The following MRPL42 variants were observed in gnomAD, a reference collection of about 807,000 sequenced individuals.
MRPL42 encodes mitochondrial ribosomal protein L42, also known as large ribosomal subunit protein mL42.
In MRPL42, 17 loss-of-function variants were observed where a neutral mutation model predicts 17.9. That is an observed-to-expected ratio of 0.95 (90% confidence interval 0.65 to 1.42). MRPL42 has a LOEUF of 1.42. MRPL42 is among the 40% of genes most tolerant of loss of function. The pLI is 0.00. For missense variants in MRPL42, 177 were observed against 175.2 expected (o/e 1.01, Z -0.06); for synonymous variants, 59 against 54.4 (o/e 1.08, Z -0.37).
In MRPL42 at chr12:93,474,376, C is replaced by T. The variant is rs531541672; in HGVS notation, c.71-2578C>T. Among the ~76,000 whole-genome samples the T allele has an allele frequency of 1.4e-4, 21 of 149,784 alleles. No individual in the cohort carries two copies. The South Asian group carries it at 3.0e-3, about 21-fold the overall frequency. On this transcript the variant is annotated intron_variant, in intron 2 of 5. Coordinates refer to ENST00000549982, the MANE Select transcript of MRPL42 (RefSeq NM_014050.4). ...GCTGGTCTTGAACTGCTGGATCAAGCGATCCTGCTGCCTTGGCCTCGCAAA... is the reference window on the plus strand; with the variant it reads ...GCTGGTCTTGAACTGCTGGATCAAGTGATCCTGCTGCCTTGGCCTCGCAAA...
At chr12:93,487,901 A>G (rs963836532) in intron 5 of MRPL42, 3 of 357,450 alleles carry the variant, frequency 8.4e-6, no homozygotes, top group African/African-American at 6.4e-5. Flanking sequence ...TGCTCAAGTG[A>G]TCTTCGCACT....
chr12:93,474,844 A>T (rs1194120051), intron 2 of MRPL42, among the ~76,000 whole-genome samples: 1 of 134,060 alleles, frequency 7.5e-6, no homozygotes, highest in Non-Finnish European at 1.6e-5. Flanking sequence ...TAATCCCAGC[A>T]CTTTGGGAGG....
At chr12:93,475,712 C>T (rs534492407) in intron 2 of MRPL42, among the ~76,000 whole-genome samples, 1 of 152,020 alleles carries the variant, frequency 6.6e-6, no homozygotes, top group Non-Finnish European at 1.5e-5. Context: ...TAGCTGAGCA[C>T]GGTGGCTCAC....
intron 4 of MRPL42, among the ~76,000 whole-genome samples, chr12:93,483,528 A>G (rs1052644376): frequency 3.9e-5 from 6 of 152,202 alleles, no homozygotes; most frequent in African/African-American, 1.2e-4. Context: ...GTATTTAAAC[A>G]TAGAAAAGGC....
intron 2 of MRPL42, among the ~76,000 whole-genome samples, chr12:93,476,693 G>A (rs1268299724): frequency 6.6e-6 from 1 of 152,092 alleles, no homozygotes; most frequent in Non-Finnish European, 1.5e-5. Context: ...TTTCTGTGTG[G>A]CCCATCTTTG....
rs117657534 is a variant in MRPL42, at chr12:93,484,592, T to C, written c.220-2905T>C. On this transcript the variant is annotated intron_variant, in intron 4 of 5. Transcript: ENST00000549982. ...TACACTGTCCTTCATCACTGTACAT[T>C]GTTGACTAAAACATTGTTATTTCAG... Among the ~76,000 whole-genome samples the C allele has an allele frequency of 4.4e-3, 675 of 152,086 alleles. 1 individual carries two copies. Among genetic ancestry groups the C allele is most frequent in the Non-Finnish European group, 7.4e-3 (503 of 67,992 alleles).
intron 5 of MRPL42, among the ~76,000 whole-genome samples, chr12:93,489,494 C>G (rs1953370708): frequency 6.6e-6 from 1 of 151,168 alleles, no homozygotes; most frequent in South Asian, 2.1e-4. Flanking sequence ...TCCTGCTTCT[C>G]TTTTGTATCT....
rs1953645146 is a variant in MRPL42, at chr12:93,504,485, T to TGA, written c.*3264_*3265insGA. On this transcript the variant is annotated 3_prime_UTR_variant, in exon 6 of 6. Transcript: ENST00000549982. ...AACATCAGTATATAGAAATATTTTC[T>TGA]CTTTAGTTCTATTAAAATTTTAAAA... 6.6e-6 allele frequency: 1 copy of TGA among 152,414 alleles called. No individual in the cohort carries two copies. Among genetic ancestry groups the TGA allele is most frequent in the South Asian group, 2.1e-4 (1 of 4,836 alleles). 9.4% of individuals were successfully genotyped at this position (152,414 alleles called of 1,614,324 possible).
intron 5 of MRPL42, chr12:93,488,183 G>C (rs1953344283): frequency 2.7e-6 from 1 of 373,082 alleles, no homozygotes; most frequent in Non-Finnish European, 4.7e-6. Context: ...TGTTAGCCAG[G>C]ATGGTCTCGA....
intron 3 of MRPL42, among the ~76,000 whole-genome samples, chr12:93,478,715 A>C (rs1276975525): frequency 6.6e-6 from 1 of 152,160 alleles, no homozygotes. Flanking sequence ...CATTGTAGCC[A>C]TGTTATGGTA....
At chr12:93,478,207 C>T (rs187505514) in intron 3 of MRPL42, among the ~76,000 whole-genome samples, 80 of 152,048 alleles carry the variant, frequency 5.3e-4, no homozygotes, top group African/African-American at 1.7e-3. Context: ...CTGCCTCCCT[C>T]GGCCTCCCAG....
At chr12:93,476,481 A>G (rs930846605) in intron 2 of MRPL42, among the ~76,000 whole-genome samples, 3 of 152,112 alleles carry the variant, frequency 2.0e-5, no homozygotes, top group Non-Finnish European at 2.9e-5. Context: ...AGATACTTCA[A>G]GTTCTTTCTT....
At chr12:93,486,030 A>G (rs1029744932) in intron 4 of MRPL42, among the ~76,000 whole-genome samples, 9 of 151,694 alleles carry the variant, frequency 5.9e-5, no homozygotes, top group African/African-American at 2.2e-4. Flanking sequence ...TTTTGTAGAG[A>G]TGTTGCCCAG....
rs1390503340 is a variant in MRPL42 at position 93,506,188 on chromosome 12, A to C, written c.*4967A>C. 6.6e-6 allele frequency: 1 copy of C among 150,860 alleles called. No individual in the cohort carries two copies. Among genetic ancestry groups the C allele is most frequent in the African/African-American group, 2.4e-5 (1 of 40,934 alleles). 9.3% of individuals were successfully genotyped at this position (150,860 alleles called of 1,614,324 possible). ...GGTGATCTGCCCACCTTGGCCCCCCAAAATACTGGGATTACAAGGGTGAGC... is the reference window on the plus strand; with the variant it reads ...GGTGATCTGCCCACCTTGGCCCCCCCAAATACTGGGATTACAAGGGTGAGC... On this transcript the variant is annotated 3_prime_UTR_variant, in exon 6 of 6. Transcript: ENST00000549982.
chr12:93,470,733 T>A, intron 2 of MRPL42: 1 of 247,738 alleles, frequency 4.0e-6, no homozygotes, highest in Non-Finnish European at 7.4e-6. Context: ...GTTTTTGCAT[T>A]AATTCACTTA....
At chr12:93,500,367 G>A (rs374436762) in intron 5 of MRPL42, among the ~76,000 whole-genome samples, 2 of 152,026 alleles carry the variant, frequency 1.3e-5, no homozygotes, top group African/African-American at 2.4e-5. Context: ...TTAACCAGTC[G>A]GGTCTCATAC....
At chr12:93,476,612 T>C (rs983344580) in intron 2 of MRPL42, among the ~76,000 whole-genome samples, 2 of 152,204 alleles carry the variant, frequency 1.3e-5, no homozygotes, top group Admixed American at 1.3e-4. Flanking sequence ...ATTTTCTCAT[T>C]CTTCAGAGCA....
At chr12:93,480,546 CTT>C (rs1263859088) in intron 4 of MRPL42, among the ~76,000 whole-genome samples, 6 of 139,064 alleles carry the variant, frequency 4.3e-5, no homozygotes, top group South Asian at 2.3e-4. Flanking sequence ...AATTTCTTTT[CTT>C]TTTTTTTTTT....
rs1385830070 is a variant in MRPL42, at chr12:93,513,260, A to G, written c.*12039A>G. On this transcript the variant is annotated 3_prime_UTR_variant, in exon 6 of 6. Coordinates refer to ENST00000549982, the MANE Select transcript of MRPL42 (RefSeq NM_014050.4). ...GCCCAGGCTGGAGTGCAGTGGTGCA[A>G]TCGTAGCTCACTGTAACCTTGAACT... 1 of 136,874 alleles carries G rather than the reference A, an allele frequency of 7.3e-6. No individual in the cohort carries two copies. The highest frequency in any genetic ancestry group is 1.5e-5 in the Non-Finnish European group (1 of 66,042). The allele number at this position is 136,874 out of a possible 1,614,324, so 8.5% of individuals were successfully genotyped here.
Sources: gnomAD v4.1 joint callset for allele counts (sites outside exome capture counted in the v4.1 genomes callset) on GRCh38, gnomAD v4.1.1 for gene constraint, MANE v1.5 for transcripts, NCBI Gene and HGNC (gene_info 2026-07-23, HGNC 2026-07-21) for gene names.